Variants in ROBO2 observed in about 807,000 individuals in gnomAD.
ROBO2 encodes the protein roundabout guidance receptor 2.
In ROBO2, 53 loss-of-function variants were observed where a neutral mutation model predicts 160.8. The ratio of observed to expected loss-of-function variants is 0.33; its 90% CI spans 0.26 to 0.41. The LOEUF is 0.41. Among genes scored for constraint, ROBO2 ranks in the 10% least tolerant of loss-of-function variants. The pLI is 1.00. For missense variants in ROBO2, 1,577 were observed against 1,722.4 expected, an observed-to-expected ratio of 0.92 and a Z score of 1.49; for synonymous variants, 664 against 611.7, an observed-to-expected ratio of 1.09 and a Z score of -1.26.
intron 2 of ROBO2, among the ~76,000 whole-genome samples, chr3:77,357,115 G>A (rs138649949): frequency 8.5e-4 from 130 of 152,198 alleles, no homozygotes; most frequent in African/African-American, 3.1e-3. Flanking sequence ...AGGGCCTTTC[G>A]TGTATTTTAT....
intron 2 of ROBO2, among the ~76,000 whole-genome samples, chr3:76,819,866 G>C (rs2065969229): frequency 6.6e-6 from 1 of 152,076 alleles, no homozygotes; most frequent in African/African-American, 2.4e-5. Context: ...ATTGGGACCT[G>C]TGTCGTGTGA....
At chr3:76,413,275 T>G (rs2075590070) in intron 2 of ROBO2, among the ~76,000 whole-genome samples, 1 of 152,202 alleles carries the variant, frequency 6.6e-6, no homozygotes, top group Non-Finnish European at 1.5e-5. Flanking sequence ...GGCTTGGAGA[T>G]ATTTTCACCA....
rs34034420 is a variant in ROBO2 at position 77,638,818 on chromosome 3, CTTTTTTTTTTTT to C, written c.3934+3789_3934+3800del. On this transcript the variant is annotated intron_variant, in intron 24 of 25. Coordinates refer to ENST00000461745, the Ensembl canonical transcript of ROBO2. ...CCAGCCTATTCTCCCTTTCACCTAG[CTTTTTTTTTTTT>C]TTTTTTTTTTTTTGAGAGGGAGTTT... Among the ~76,000 whole-genome samples the C allele has an allele frequency of 7.8e-5, 4 of 51,270 alleles. No individual in the cohort carries two copies. In the East Asian group the frequency reaches 2.6e-3, roughly 33 times the overall value. 33.6% of individuals were successfully genotyped at this position (51,270 alleles called of 152,430 possible). A position where few individuals can be genotyped will look rare whatever the true frequency, so the allele number is the denominator to read the frequency against.
intron 2 of ROBO2, among the ~76,000 whole-genome samples, chr3:76,102,324 T>TA (rs1285283718): frequency 1.3e-5 from 2 of 152,216 alleles, no homozygotes; most frequent in South Asian, 2.1e-4. Context: ...TATTAGTTTC[T>TA]TTTTATATTT....
intron 2 of ROBO2, among the ~76,000 whole-genome samples, chr3:76,951,838 A>C (rs544399156): frequency 6.6e-6 from 1 of 152,348 alleles, no homozygotes; most frequent in South Asian, 2.1e-4. Flanking sequence ...CAACTGCTAT[A>C]TCTTCAGAGC....
intron 2 of ROBO2, among the ~76,000 whole-genome samples, chr3:76,049,403 A>ATTTT (rs1167852972): frequency 8.7e-4 from 47 of 53,756 alleles, no homozygotes; most frequent in South Asian, 3.0e-3. Flanking sequence ...ATATATATAT[A>ATTTT]TTTTTTTTTT....
intron 2 of ROBO2, among the ~76,000 whole-genome samples, chr3:77,290,365 G>C (rs1289650933): frequency 1.3e-5 from 1 of 76,200 alleles, no homozygotes; most frequent in African/African-American, 3.9e-5. Flanking sequence ...AAACGGGTAA[G>C]CTGAGGCTAG....
chr3:77,539,080 G>A (rs2092329834), intron 6 of ROBO2, among the ~76,000 whole-genome samples: 1 of 152,070 alleles, frequency 6.6e-6, no homozygotes. Flanking sequence ...GCCACGCCCA[G>A]CTAATTTGTT....
At chr3:76,060,722 C>T (rs561974771) in intron 2 of ROBO2, among the ~76,000 whole-genome samples, 15 of 152,258 alleles carry the variant, frequency 9.9e-5, no homozygotes, top group African/African-American at 3.6e-4. Flanking sequence ...TGTTACAACT[C>T]TTGAATTTTT....
chr3:76,277,314 A>G (rs1707983406), intron 2 of ROBO2, among the ~76,000 whole-genome samples: 1 of 152,012 alleles, frequency 6.6e-6, no homozygotes, highest in Non-Finnish European at 1.5e-5. Context: ...GCAACAACAA[A>G]CAACAGGTTT....
intron 2 of ROBO2, among the ~76,000 whole-genome samples, chr3:76,067,971 G>A (rs764715072): frequency 8.5e-5 from 13 of 152,148 alleles, no homozygotes; most frequent in Non-Finnish European, 1.3e-4. Context: ...TTATTTAGAG[G>A]GGTAAGACAA....
chr3:76,329,025 C>G (rs1274844054), intron 2 of ROBO2, among the ~76,000 whole-genome samples: 1 of 151,292 alleles, frequency 6.6e-6, no homozygotes, highest in African/African-American at 2.4e-5. Flanking sequence ...GACTGGTTGT[C>G]AGAACTCCAG....
chr3:77,185,240 A>G (rs77291997), intron 2 of ROBO2, among the ~76,000 whole-genome samples: 11,414 of 152,078 alleles, frequency 0.075, 488 homozygotes, highest in African/African-American at 0.11. Flanking sequence ...GTGGATAGGC[A>G]TCTTAGATTC....
intron 2 of ROBO2, among the ~76,000 whole-genome samples, chr3:76,410,701 A>G (rs2075442054): frequency 6.6e-6 from 1 of 152,190 alleles, no homozygotes; most frequent in African/African-American, 2.4e-5. Context: ...TTGGTGAATG[A>G]CACTTCAGAT....
At chr3:76,548,088 T>G (rs551442979) in intron 2 of ROBO2, among the ~76,000 whole-genome samples, 1 of 152,322 alleles carries the variant, frequency 6.6e-6, no homozygotes, top group African/African-American at 2.4e-5. Context: ...TAAAACTCAC[T>G]ACTTTATTTT....
At chr3:77,501,602 G>A (rs1291499782) in intron 5 of ROBO2, among the ~76,000 whole-genome samples, 9 of 152,056 alleles carry the variant, frequency 5.9e-5, no homozygotes, top group Admixed American at 3.9e-4. Flanking sequence ...TGCAAACTAT[G>A]TTGGATTGAA....
At chr3:76,043,307 GTAAGGGGTCTTCTTGAGCC>G (rs1036673868) in intron 2 of ROBO2, among the ~76,000 whole-genome samples, 6 of 151,614 alleles carry the variant, frequency 4.0e-5, no homozygotes, top group Non-Finnish European at 8.8e-5. Context: ...CTTTTCGTTT[GTAAGGGGTCTTCTTGAGCC>G]TAAAGCTTTT....
intron 2 of ROBO2, among the ~76,000 whole-genome samples, chr3:76,959,497 C>T (rs2079501831): frequency 6.6e-6 from 1 of 152,098 alleles, no homozygotes; most frequent in Admixed American, 6.5e-5. Context: ...TGAAGTGACA[C>T]CATTTGTGTG....
chr3:76,268,409 G>C (rs1022998029), intron 2 of ROBO2, among the ~76,000 whole-genome samples: 21 of 152,194 alleles, frequency 1.4e-4, no homozygotes, highest in African/African-American at 4.8e-4. Context: ...CTACATAACT[G>C]TATTTTCTCG....
Sources: gnomAD v4.1 joint callset for allele counts (sites outside exome capture counted in the v4.1 genomes callset) on GRCh38, gnomAD v4.1.1 for gene constraint, MANE v1.5 for transcripts, NCBI Gene and HGNC (gene_info 2026-07-23, HGNC 2026-07-21) for gene names.